TBCB: variants seen among roughly 807,000 people sequenced by gnomAD.
TBCB encodes the protein tubulin-folding cofactor B.
TBCB carries 18 observed loss-of-function variants against 29.2 expected under a neutral mutation model. The observed-to-expected ratio is 0.62, with a 90% confidence interval of 0.43 to 0.91. TBCB has a LOEUF of 0.91. TBCB is among the 40% of genes least tolerant of loss of function. The pLI is 0.00. For synonymous variants in TBCB, 172 were observed against 137.8 expected (o/e 1.25, Z -1.74); for missense variants, 336 against 337.6 (o/e 1.00, Z 0.04).
intron 4 of TBCB, among the ~76,000 whole-genome samples, chr19:36,125,005 G>T (rs937786950): frequency 6.6e-5 from 10 of 152,046 alleles, no homozygotes; most frequent in African/African-American, 2.4e-4. Flanking sequence ...TTTTCATTGG[G>T]ATGCTGTCTT....
chr19:36,125,785 C>G lies in TBCB; in HGVS notation c.*3C>G. On this transcript the variant is annotated 3_prime_UTR_variant, in exon 6 of 6. Transcript: ENST00000221855. ...ACTACGGGTTGGACGAGATATGACA[C>G]CTAAGGAATTCCCCTGCTTCAGCTC... 6.6e-7 allele frequency: 1 copy of G among 1,508,384 alleles called. No homozygotes were observed. The highest frequency in any genetic ancestry group is 8.9e-7 in the Non-Finnish European group (1 of 1,127,578). The allele number at this position is 1,508,384 out of a possible 1,614,324, so 93.4% of individuals were successfully genotyped here. A position where few individuals can be genotyped will look rare whatever the true frequency, so the allele number is the denominator to read the frequency against.
rs2231573 is a variant in TBCB at position 36,120,727 on chromosome 19, C to T, written c.276C>T (p.Gly92=). The T allele has an allele frequency of 1.3e-3, 2,112 of 1,614,152 alleles. 4 individuals are homozygous for T. Among genetic ancestry groups the T allele is most frequent in the Non-Finnish European group, 1.6e-3 (1,900 of 1,180,014 alleles). The change falls in exon 3 of 6, where the codon GGC becomes GGT. Residue 92 remains glycine, a synonymous_variant. Coordinates refer to ENST00000221855, the MANE Select transcript of TBCB (RefSeq NM_001281.3). ...TCACACAGGTCATTGACCACAGTGG[C>T]GCCCGCCTTGGTGAGTATGAGGACG... The part of the protein sequence containing the change: ...GCRIHVIDHS[G]ARLGEYEDVS...
At chr19:36,125,394 T>G in intron 4 of TBCB, 57 bp from the exon 5 acceptor site, 2 of 1,591,216 alleles carry the variant, frequency 1.3e-6, no homozygotes, top group Non-Finnish European at 1.7e-6. Flanking sequence ...TCCTGAAATT[T>G]CATGGGGATT....
At chr19:36,116,207 A>G (rs1407002494) in intron 2 of TBCB, 23 bp downstream of exon 2, 2 of 1,606,378 alleles carry the variant, frequency 1.2e-6, no homozygotes, top group East Asian at 2.2e-5. Context: ...TATCTGGGAC[A>G]CTCCCCCACC....
chr19:36,116,345 A>T (rs1335071505), intron 2 of TBCB, 161 bp downstream of exon 2: 5 of 1,000,168 alleles, frequency 5.0e-6, no homozygotes, highest in Non-Finnish European at 7.2e-6. Flanking sequence ...TTAGACAGGG[A>T]CAGCCTAGAG....
At chr19:36,116,409 T>C in intron 2 of TBCB, 1 of 474,824 alleles carries the variant, frequency 2.1e-6, no homozygotes, top group Non-Finnish European at 3.6e-6. Flanking sequence ...CAAGAAGAGG[T>C]GCCTGACTCC....
chr19:36,118,697 A>AG, intron 2 of TBCB: 1 of 152,122 alleles, frequency 6.6e-6, no homozygotes, highest in East Asian at 1.9e-4. Context: ...AAAAAAAAAA[A>AG]AAAGGTTAAC....
chr19:36,120,923 C>G, intron 3 of TBCB, 117 bp downstream of exon 3: 2 of 933,690 alleles, frequency 2.1e-6, no homozygotes, highest in South Asian at 3.1e-5. Context: ...GACGGGGGGC[C>G]GAGAGCTTGG....
At chr19:36,115,306 C>G, upstream of TBCB, 1 of 550,430 alleles carries the variant, frequency 1.8e-6, no homozygotes, top group Non-Finnish European at 3.2e-6. Context: ...TCCCGGGCCG[C>G]TATTGGAAGA....
At chr19:36,116,018 C>T (rs777829443) in intron 1 of TBCB, 23 bp from the exon 2 acceptor site, 5 of 1,606,046 alleles carry the variant, frequency 3.1e-6, no homozygotes, top group Non-Finnish European at 4.3e-6. Context: ...CCTCCTTCTT[C>T]TCACCCTGCC....
intron 2 of TBCB, among the ~76,000 whole-genome samples, chr19:36,118,096 A>G (rs2145906673): frequency 6.6e-6 from 1 of 152,196 alleles, no homozygotes; most frequent in East Asian, 1.9e-4. Context: ...ATGAACTGTC[A>G]GTAGCATTTT....
chr19:36,117,106 G>A (rs1052927411), intron 2 of TBCB, among the ~76,000 whole-genome samples: 1 of 152,108 alleles, frequency 6.6e-6, no homozygotes, highest in Non-Finnish European at 1.5e-5. Context: ...AGTCTTCACC[G>A]GCCTCAGTGT....
At chr19:36,116,241 CAG>C in intron 2 of TBCB, 57 bp downstream of exon 2, 3 of 1,595,290 alleles carry the variant, frequency 1.9e-6, no homozygotes, top group Non-Finnish European at 2.6e-6. Context: ...GGTTATTCAA[CAG>C]ACACTTGCTG....
At position 36,117,328 on chromosome 19, in the gene TBCB, T is replaced by C. The variant is rs562469990; in HGVS notation, c.258+1144T>C. The stretch of plus-strand genomic sequence containing the variant: ...GGAATAGTGCCTGGGACAGGGAGGA[T>C]AGTCCGTGAATCGTTTTTTGTTTTG... On this transcript the variant is annotated intron_variant, in intron 2 of 5. Coordinates refer to ENST00000221855, the MANE Select transcript of TBCB (RefSeq NM_001281.3). 1.4e-4 allele frequency among the ~76,000 whole-genome samples: 22 copies of C among 152,260 alleles called. No individual in the cohort carries two copies. The South Asian group carries it at 4.4e-3, about 30-fold the overall frequency.
intron 2 of TBCB, among the ~76,000 whole-genome samples, chr19:36,119,097 G>A (rs1031112650): frequency 5.9e-5 from 9 of 152,118 alleles, no homozygotes; most frequent in Non-Finnish European, 1.0e-4. Context: ...CATAACAGGC[G>A]GTTCAGGTAC....
At chr19:36,125,578 C>G (rs1422269710) in intron 5 of TBCB, 55 bp downstream of exon 5, 12 of 1,610,812 alleles carry the variant, frequency 7.4e-6, no homozygotes, top group Non-Finnish European at 9.3e-6. Flanking sequence ...TAAGTCCATG[C>G]GTGCTGCTTG....
At chr19:36,125,567 G>GT in intron 5 of TBCB, 44 bp downstream of exon 5, 1 of 1,612,842 alleles carries the variant, frequency 6.2e-7, no homozygotes, top group South Asian at 1.1e-5. Flanking sequence ...GCATTTGTGT[G>GT]TAAGTCCATG....
intron 2 of TBCB, among the ~76,000 whole-genome samples, chr19:36,117,561 A>G (rs777009283): frequency 6.6e-6 from 1 of 152,194 alleles, no homozygotes; most frequent in Admixed American, 6.5e-5. Context: ...CATGTTGGCC[A>G]GGCTGGTCTT....
At chr19:36,120,563 C>T in intron 2 of TBCB, 147 bp from the exon 3 acceptor site, 1 of 631,816 alleles carries the variant, frequency 1.6e-6, no homozygotes. Context: ...CTCCCTTCCG[C>T]TGGGCTCAGG....
Sources: gnomAD v4.1 joint callset for allele counts (sites outside exome capture counted in the v4.1 genomes callset) on GRCh38, gnomAD v4.1.1 for gene constraint, MANE v1.5 for transcripts, NCBI Gene and HGNC (gene_info 2026-07-23, HGNC 2026-07-21) for gene names.